Variants in CAPN12 observed in about 807,000 individuals in gnomAD.
CAPN12 encodes the protein calpain 12, also known as calpain-12.
A neutral mutation model predicts 95.0 loss-of-function variants in CAPN12; 107 were observed. That is an observed-to-expected ratio of 1.13 (90% CI 0.96 to 1.32). CAPN12 has a LOEUF of 1.32. Ranked by LOEUF, CAPN12 falls within the 40% of genes most tolerant of loss-of-function variation. The probability of loss-of-function intolerance (pLI) is 0.00; values close to 1 mark genes in which losing one functional copy is unlikely to be tolerated. For synonymous variants in CAPN12, 505 were observed against 415.5 expected (o/e 1.22, Z -2.62); for missense variants, 1,136 against 997.8 (o/e 1.14, Z -1.87).
In CAPN12 at chr19:38,737,176, CGGTGA is replaced by C; in HGVS notation, c.1337_1341del (p.Leu446ArgfsTer67). ...CTCACCTGGAACACGTGGAAGCCAA[CGGTGA>C]GGTAAGTGAGGCCCTTGGCTCTCAG... On this transcript the variant is annotated frameshift_variant, in exon 10 of 21. Transcript: ENST00000328867. LOFTEE classifies it high-confidence loss of function. The C allele has an allele frequency of 6.5e-7, 1 of 1,545,288 alleles. No individual in the cohort carries two copies. The highest frequency in any genetic ancestry group is 1.4e-5 in the African/African-American group (1 of 72,372).
Position 38,734,206 on chromosome 19 carries a change from T to TGTGTTGG in CAPN12, c.1816-9_1816-3dup, listed in dbSNP as rs1969843639. On this transcript the variant is annotated splice_polypyrimidine_tract_variant and splice_region_variant and intron_variant, in intron 16 of 20. Transcript: ENST00000328867. ...GTGTAAGGCCAGGCTTTGCCCATGC[T>TGTGTTGG]GTGTTGGGGGTCGGGGGCATCTGGT... The TGTGTTGG allele has an allele frequency of 4.3e-6, 7 of 1,612,874 alleles. No individual in the cohort carries two copies. Among genetic ancestry groups the TGTGTTGG allele is most frequent in the African/African-American group, 1.3e-5 (1 of 75,016 alleles).
At chr19:38,736,489 TTGACC>T in intron 11 of CAPN12, 58 bp downstream of exon 11, 1 of 1,341,402 alleles carries the variant, frequency 7.5e-7, no homozygotes, top group Non-Finnish European at 9.7e-7. Flanking sequence ...CCAGGGCAGG[TTGACC>T]AAGCCCCAGG....
At position 38,738,262 on chromosome 19, in the gene CAPN12, G is replaced by A. The variant is rs1202011213; in HGVS notation, c.965+11C>T. ...CTCCCAGAGGCAGAGCTGGGACCCT[G>A]ACGAACTGACCAGAACTCGCCATCC... is the stretch of plus-strand genomic sequence containing the variant. On this transcript the variant is annotated intron_variant, in intron 8 of 20. Transcript: ENST00000328867. The A allele has an allele frequency of 6.2e-7, 1 of 1,611,896 alleles. No homozygotes were observed. The highest frequency in any genetic ancestry group is 1.1e-5 in the South Asian group (1 of 90,992).
At chr19:38,741,751 C>A in intron 4 of CAPN12, 26 bp downstream of exon 4, 1 of 1,612,556 alleles carries the variant, frequency 6.2e-7, no homozygotes, top group South Asian at 1.1e-5. Context: ...CTTAGGGCTG[C>A]AGCTGGTTGG....
chr19:38,737,673 C>T, intron 8 of CAPN12, 35 bp from the exon 9 acceptor site: 1 of 1,513,674 alleles, frequency 6.6e-7, no homozygotes, highest in East Asian at 2.3e-5. Flanking sequence ...TGCCCGGCCC[C>T]ACCTCGAGGG....
chr19:38,734,804 C>T lies in CAPN12; in HGVS notation c.1744+9G>A. Reference sequence around the variant, plus strand: ...ACCCCTCCTCCTGCCCCTATCCCAGCCAACTCACCAGGCTCCAGGGCAATG... The same window carrying T: ...ACCCCTCCTCCTGCCCCTATCCCAGTCAACTCACCAGGCTCCAGGGCAATG... On this transcript the variant is annotated intron_variant, in intron 15 of 20. Transcript: ENST00000328867. 6.2e-7 allele frequency: 1 copy of T among 1,612,128 alleles called. No individual in the cohort carries two copies. Among genetic ancestry groups the T allele is most frequent in the Non-Finnish European group, 8.5e-7 (1 of 1,179,522 alleles).
chr19:38,743,833 T>C, intron 1 of CAPN12, 96 bp downstream of exon 1: 3 of 1,198,850 alleles, frequency 2.5e-6, no homozygotes, highest in South Asian at 1.4e-5. Flanking sequence ...GACCAGGGAG[T>C]CCAGGCCCCC....
chr19:38,730,880 T>C lies in CAPN12; in HGVS notation c.2134-2A>G. ...GGAGAAGGTGGCCACCTCCATCCAC[T>C]AAGGAAGAGAAGGAAGACAGTGGCT... On this transcript the variant is annotated splice_acceptor_variant, in intron 20 of 20. Transcript: ENST00000328867. LOFTEE classifies it high-confidence loss of function. The C allele has an allele frequency of 6.4e-7, 1 of 1,551,606 alleles. No individual in the cohort carries two copies. The highest frequency in any genetic ancestry group is 8.7e-7 in the Non-Finnish European group (1 of 1,147,448).
At chr19:38,742,175 A>T in intron 3 of CAPN12, 1 of 618,010 alleles carries the variant, frequency 1.6e-6, no homozygotes, top group East Asian at 2.8e-5. Context: ...AATAAGAAAA[A>T]ATTAGCTGGG....
intron 14 of CAPN12, chr19:38,735,154 G>C (rs1263676976): frequency 1.7e-6 from 1 of 605,170 alleles, no homozygotes; most frequent in South Asian, 2.1e-5. Flanking sequence ...GAGGTGTCAG[G>C]AGGGAGAGGG....
intron 5 of CAPN12, chr19:38,738,883 G>A (rs1970381176): frequency 1.8e-6 from 1 of 566,010 alleles, no homozygotes; most frequent in Non-Finnish European, 3.2e-6. Flanking sequence ...TGTAATCCCA[G>A]CACTTAGGGA....
rs986125473 is a variant in CAPN12, at chr19:38,731,144, C to A, written c.2037G>T (p.Arg679=). The A allele has an allele frequency of 3.7e-6, 6 of 1,613,056 alleles. No individual in the cohort carries two copies. The highest frequency in any genetic ancestry group is 5.1e-6 in the Non-Finnish European group (6 of 1,179,968). Residue 679 remains arginine (R), a synonymous_variant, in exon 19 of 21, where the codon CGG becomes CGT. Transcript: ENST00000328867. ...RDSRLRVDFE[R]FVSCVAHLTC... is the part of the protein sequence containing the mutation. Reference sequence around the variant, plus strand: ...TGAGGTGGGCCACACAGGACACGAACCGCTCGAAGTCCACACGCAGACGGC... The same window carrying A: ...TGAGGTGGGCCACACAGGACACGAAACGCTCGAAGTCCACACGCAGACGGC...
Position 38,735,482 on chromosome 19 carries a change from C to A in CAPN12, c.1626+20G>T. The A allele has an allele frequency of 6.2e-7, 1 of 1,610,906 alleles. No homozygotes were observed. Among genetic ancestry groups the A allele is most frequent in the Non-Finnish European group, 8.5e-7 (1 of 1,179,248 alleles). ...GCCAAGATCCCCGCCCCATGCCGCCCCTCCAGGAACAGTCCCCACCTGGAG... is the reference window on the plus strand; with the variant it reads ...GCCAAGATCCCCGCCCCATGCCGCCACTCCAGGAACAGTCCCCACCTGGAG... On this transcript the variant is annotated intron_variant, in intron 13 of 20. Coordinates refer to ENST00000328867, the MANE Select transcript of CAPN12 (RefSeq NM_144691.4).
In CAPN12 at chr19:38,733,769, T is replaced by C; in HGVS notation, c.1891A>G (p.Lys631Glu). The change falls in exon 18 of 21, where the codon AAG becomes GAG. Residue 631 changes from lysine to glutamate, a missense_variant. Coordinates refer to ENST00000328867, the MANE Select transcript of CAPN12 (RefSeq NM_144691.4). ...YLLEWQAIFN[K>E]FDEDTSGTMN... ...GTTCCAGAGGTGTCCTCATCGAACT[T>C]GTTAAATATGGCCTGGGCAGGAAGG... The C allele has an allele frequency of 6.2e-7, 1 of 1,613,486 alleles. No homozygotes were observed. Among genetic ancestry groups the C allele is most frequent in the Non-Finnish European group, 8.5e-7 (1 of 1,179,860 alleles).
Position 38,738,423 on chromosome 19 carries a change from G to C in CAPN12, c.885C>G (p.Ser295Arg). The C allele has an allele frequency of 6.2e-7, 1 of 1,609,216 alleles. No homozygotes were observed. The highest frequency in any genetic ancestry group is 8.5e-7 in the Non-Finnish European group (1 of 1,178,214). ...CCACCCCAGACCCATCCCACCTGTC[G>C]CTCCAGGCCCCCGTCCACTCCACGC... Reference protein sequence around the residue: ...WGCVEWTGAWSDSCPRWDTLP... With the variant: ...WGCVEWTGAWRDSCPRWDTLP... Residue 295 changes from serine (S) to arginine (R), a missense_variant, in exon 7 of 21, where the codon AGC becomes AGG. By Grantham distance (110) the Ser-to-Arg change is moderately radical. Transcript: ENST00000328867.
chr19:38,730,450 C>CTGAT lies in CAPN12; in HGVS notation c.*398_*401dup, dbSNP rs151276707. The CTGAT allele has an allele frequency of 3.4e-3, 687 of 204,738 alleles. 7 individuals carry two copies. Among genetic ancestry groups the CTGAT allele is most frequent in the African/African-American group, 9.3e-3 (397 of 42,566 alleles). 12.7% of individuals were successfully genotyped at this position (204,738 alleles called of 1,614,324 possible). A position where few individuals can be genotyped will look rare whatever the true frequency, so the allele number is the denominator to read the frequency against. On this transcript the variant is annotated 3_prime_UTR_variant, in exon 21 of 21. Coordinates refer to ENST00000328867, the MANE Select transcript of CAPN12 (RefSeq NM_144691.4). ...CCTACCTTTTTTTTTTGAGTTTATT[C>CTGAT]TGATTGATTTTTTTTCTTGGTTTCT... is the stretch of plus-strand genomic sequence containing the variant.
intron 14 of CAPN12, 81 bp downstream of exon 14, chr19:38,735,289 T>A (rs1969941122): frequency 3.7e-5 from 51 of 1,374,100 alleles, no homozygotes. Flanking sequence ...ATGAGACACC[T>A]GAGATGCTGG....
chr19:38,736,040 TCGGGG>T, intron 12 of CAPN12, 65 bp downstream of exon 12: 1 of 957,820 alleles, frequency 1.0e-6, no homozygotes, highest in South Asian at 2.1e-5. Flanking sequence ...CTCGGGGGTC[TCGGGG>T]GTCTCGGGGG....
Position 38,735,530 on chromosome 19 carries a change from A to C in CAPN12, c.1598T>G (p.Val533Gly), listed in dbSNP as rs1368936485. ...RRHTAVEIDD[V>G]ISADLQSLQG... ...GAGAGACTGCAGGTCTGCGCTGATC[A>C]CGTCGTCGATCTCCCTGCAAATTAC... Residue 533 changes from valine (V) to glycine (G), a missense_variant, in exon 13 of 21, where the codon GTG becomes GGG. Transcript: ENST00000328867. The C allele has an allele frequency of 1.2e-6, 2 of 1,610,196 alleles. No individual in the cohort carries two copies. The highest frequency in any genetic ancestry group is 2.7e-5 in the African/African-American group (2 of 74,138).
Sources: gnomAD v4.1 joint callset for allele counts on GRCh38, gnomAD v4.1.1 for gene constraint, MANE v1.5 for transcripts, NCBI Gene and HGNC (gene_info 2026-07-23, HGNC 2026-07-21) for gene names.